The following SYNE2 variants were observed in gnomAD, a reference collection of about 807,000 sequenced individuals.
SYNE2 encodes nesprin-2.
SYNE2 carries 431 observed loss-of-function variants against 856.3 expected under a neutral mutation model. The ratio of observed to expected loss-of-function variants is 0.50; its 90% CI spans 0.47 to 0.55. The LOEUF is 0.55. Among genes scored for constraint, SYNE2 ranks in the 20% least tolerant of loss-of-function variants. The pLI, the probability that SYNE2 is intolerant of heterozygous loss-of-function variation, is 0.00. For missense variants in SYNE2, 8,129 were observed against 8,023.2 expected, an observed-to-expected ratio of 1.01 and a Z score of -0.50; for synonymous variants, 2,923 against 2,872.3, an observed-to-expected ratio of 1.02 and a Z score of -0.56.
intron 45 of SYNE2, among the ~76,000 whole-genome samples, chr14:64,041,684 GA>G (rs1165044782): frequency 1.5e-4 from 22 of 151,656 alleles, no homozygotes; most frequent in Admixed American, 6.6e-5. Context: ...CCGATCTCTA[GA>G]AAAAAATTTT....
chr14:64,220,708 T>G (rs2098690349), intron 111 of SYNE2, 71 bp downstream of exon 111: 1 of 1,549,062 alleles, frequency 6.5e-7, no homozygotes, highest in Non-Finnish European at 8.8e-7. Context: ...GCAGATATTT[T>G]TATCATCATC....
At chr14:63,812,286 T>A (rs1485251728) in intron 1 of SYNE2, among the ~76,000 whole-genome samples, 1 of 152,166 alleles carries the variant, frequency 6.6e-6, no homozygotes, top group Non-Finnish European at 1.5e-5. Flanking sequence ...TTCACATCCA[T>A]TTATAGGCTC....
At chr14:63,974,852 A>ATGTGTG (rs1289413090) in intron 11 of SYNE2, among the ~76,000 whole-genome samples, 102 of 78,862 alleles carry the variant, frequency 1.3e-3, no homozygotes, top group African/African-American at 2.3e-3. Flanking sequence ...GTGTGTGTAC[A>ATGTGTG]TGTGTGTGTG....
At chr14:63,967,436 G>C (rs1004718680) in intron 10 of SYNE2, among the ~76,000 whole-genome samples, 1 of 152,088 alleles carries the variant, frequency 6.6e-6, no homozygotes. Context: ...ATCATGATCT[G>C]TCCTGTAGCC....
intron 8 of SYNE2, among the ~76,000 whole-genome samples, chr14:63,958,366 T>G (rs1266870): frequency 1.3e-5 from 2 of 151,940 alleles, no homozygotes; most frequent in African/African-American, 4.8e-5. Context: ...GACTTTTAAA[T>G]AAATGACCTT....
In SYNE2 at chr14:64,209,049, T is replaced by C. The variant is rs1296511825; in HGVS notation, c.18389+104T>C. ...CTATTCTGTTCATTTCACTTAGAAA[T>C]GCGCCAGGTATTGGCAGAGAAGGCC... On this transcript the variant is annotated intron_variant, in intron 101 of 115. Transcript: ENST00000555002. 9.1e-6 allele frequency: 13 copies of C among 1,422,374 alleles called. No homozygotes were observed. In the African/African-American group the frequency reaches 9.9e-5, roughly 11 times the overall value. 88.1% of individuals were successfully genotyped at this position (1,422,374 alleles called of 1,614,324 possible).
intron 109 of SYNE2, among the ~76,000 whole-genome samples, chr14:64,218,972 C>T (rs1007685990): frequency 3.3e-5 from 5 of 152,178 alleles, no homozygotes; most frequent in Non-Finnish European, 7.3e-5. Flanking sequence ...AACTGTAGCA[C>T]ATAGACCTTC....
intron 1 of SYNE2, among the ~76,000 whole-genome samples, chr14:63,846,685 T>A (rs1890238294): frequency 6.6e-6 from 1 of 151,948 alleles, no homozygotes; most frequent in South Asian, 2.1e-4. Context: ...AACCTCTGCA[T>A]CCTGGGTTCC....
At chr14:64,075,863 G>A in intron 53 of SYNE2, 82 bp from the exon 54 acceptor site, 1 of 1,475,722 alleles carries the variant, frequency 6.8e-7, no homozygotes, top group South Asian at 1.1e-5. Flanking sequence ...TCATAAGGAT[G>A]TGCTGGAAGG....
At chr14:64,187,881 C>G (rs983146463) in intron 97 of SYNE2, among the ~76,000 whole-genome samples, 1 of 152,134 alleles carries the variant, frequency 6.6e-6, no homozygotes, top group African/African-American at 2.4e-5. Flanking sequence ...GAGGAGGACC[C>G]TTAGCTGATG....
Position 64,070,826 on chromosome 14 carries a change from T to A in SYNE2, c.10613T>A (p.Ile3538Asn). The A allele has an allele frequency of 6.2e-7, 1 of 1,614,140 alleles. No individual in the cohort carries two copies. The highest frequency in any genetic ancestry group is 1.1e-5 in the South Asian group (1 of 91,082). The change falls in exon 52 of 116, where the codon ATC becomes AAC. Residue 3538 changes from isoleucine (I) to asparagine (N), a missense_variant. Transcript: ENST00000555002. ...CTACTTCTTCAGCGCATCAGAAGTA[T>A]CCAGAATGTTCCTGAAAGCTCAGGG... ...LTLLLQRIRS[I>N]QNVPESSGAV...
At chr14:63,828,733 A>T (rs1017240601) in intron 1 of SYNE2, among the ~76,000 whole-genome samples, 5 of 152,118 alleles carry the variant, frequency 3.3e-5, no homozygotes, top group East Asian at 3.9e-4. Flanking sequence ...TCCATCTCAA[A>T]AAATAAATAA....
chr14:64,217,678 C>T (rs532791094), intron 108 of SYNE2, among the ~76,000 whole-genome samples: 3 of 152,228 alleles, frequency 2.0e-5, no homozygotes, highest in African/African-American at 2.4e-5. Context: ...CTCACCTGGC[C>T]GGTTTCAAAA....
At chr14:64,111,289 A>AGGTT (rs1555490239) in intron 65 of SYNE2, among the ~76,000 whole-genome samples, 8 of 146,164 alleles carry the variant, frequency 5.5e-5, no homozygotes, top group Non-Finnish European at 1.0e-4. Context: ...CTGTGATTAC[A>AGGTT]GATTAATATT....
chr14:63,950,325 G>A lies in SYNE2; in HGVS notation c.590+319G>A, dbSNP rs112206263. On this transcript the variant is annotated intron_variant, in intron 7 of 115. Transcript: ENST00000555002. ...TCCCAGCACTTTGGGAGGCTGAGGC[G>A]GGTAGATCACTTGAGGTCAGGAGTT... 1.0e-2 allele frequency among the ~76,000 whole-genome samples: 1,515 copies of A among 152,162 alleles called. 29 individuals carry two copies. Among genetic ancestry groups the A allele is most frequent in the African/African-American group, 0.034 (1,429 of 41,518 alleles).
intron 1 of SYNE2, among the ~76,000 whole-genome samples, chr14:63,827,625 CAAAAAA>C (rs11334415): frequency 3.5e-5 from 1 of 28,400 alleles, no homozygotes; most frequent in Admixed American, 5.5e-4. Context: ...AACTCTGTCT[CAAAAAA>C]AAAAAAAAAA....
In SYNE2 at chr14:63,858,104, A is replaced by ATTTTTATT. The variant is rs1037002233; in HGVS notation, c.-52+4964_-52+4971dup. 1.7e-4 allele frequency among the ~76,000 whole-genome samples: 25 copies of ATTTTTATT among 151,490 alleles called. 1 individual carries two copies. In the South Asian group the frequency reaches 4.8e-3, roughly 29 times the overall value. On this transcript the variant is annotated intron_variant, in intron 1 of 115. Transcript: ENST00000555002. ...AGAAGCAAAATGGAGCTGTTTTATT[A>ATTTTTATT]TTTTTATTTTATTATTTATTTATTT...
chr14:63,881,711 C>T (rs777542456), intron 1 of SYNE2, among the ~76,000 whole-genome samples: 39 of 151,982 alleles, frequency 2.6e-4, no homozygotes, highest in Admixed American at 9.2e-4. Context: ...TCTGTTGCTT[C>T]ATTTCATGCG....
At chr14:63,885,657 A>C (rs2140806027) in intron 1 of SYNE2, among the ~76,000 whole-genome samples, 1 of 152,272 alleles carries the variant, frequency 6.6e-6, no homozygotes, top group East Asian at 1.9e-4. Context: ...GCTGGACTGC[A>C]GTGGCGTGAT....
Sources: gnomAD v4.1 joint callset for allele counts (sites outside exome capture counted in the v4.1 genomes callset) on GRCh38, gnomAD v4.1.1 for gene constraint, MANE v1.5 for transcripts, NCBI Gene and HGNC (gene_info 2026-07-23, HGNC 2026-07-21) for gene names.